Variants in ATP11A observed in about 807,000 individuals in gnomAD.
The protein encoded by ATP11A is ATPase phospholipid transporting 11A, also known as phospholipid-transporting ATPase IH.
ATP11A carries 81 observed loss-of-function variants against 154.4 expected under a neutral mutation model. That is an observed-to-expected ratio of 0.52 (90% CI 0.44 to 0.63). The LOEUF (loss-of-function observed/expected upper bound fraction) is 0.63. ATP11A is among the 30% of genes least tolerant of loss of function. The pLI, the probability that ATP11A is intolerant of heterozygous loss-of-function variation, is 0.00. For missense variants in ATP11A, 1,316 were observed against 1,474.3 expected (o/e 0.89, Z 1.76); for synonymous variants, 623 against 585.9 (o/e 1.06, Z -0.91).
chr13:112,735,997 A>G (rs1193819879), intron 1 of ATP11A, among the ~76,000 whole-genome samples: 1 of 151,862 alleles, frequency 6.6e-6, no homozygotes. Flanking sequence ...GAGCCTCCGT[A>G]TGCGCATGCT....
At chr13:112,722,324 A>T (rs1035478652) in intron 1 of ATP11A, among the ~76,000 whole-genome samples, 1 of 151,574 alleles carries the variant, frequency 6.6e-6, no homozygotes, top group Non-Finnish European at 1.5e-5. Flanking sequence ...GGGGGCGGCC[A>T]GGGGAGAGGG....
chr13:112,866,086 G>A (rs1466786734), intron 25 of ATP11A, among the ~76,000 whole-genome samples: 1 of 152,158 alleles, frequency 6.6e-6, no homozygotes, highest in African/African-American at 2.4e-5. Flanking sequence ...ACCCCTGGGG[G>A]TTTGTTTTAT....
At chr13:112,824,701 C>G (rs2078888178) in intron 10 of ATP11A, among the ~76,000 whole-genome samples, 1 of 152,210 alleles carries the variant, frequency 6.6e-6, no homozygotes, top group African/African-American at 2.4e-5. Context: ...AGTTCAGTAT[C>G]CAACAGCTCC....
chr13:112,723,153 T>G (rs1235578684), intron 1 of ATP11A, among the ~76,000 whole-genome samples: 1 of 151,762 alleles, frequency 6.6e-6, no homozygotes, highest in Non-Finnish European at 1.5e-5. Flanking sequence ...TGTTTATAAT[T>G]TGGCATCTTA....
At chr13:112,869,619 G>C (rs551057784) in intron 25 of ATP11A, among the ~76,000 whole-genome samples, 10 of 152,240 alleles carry the variant, frequency 6.6e-5, no homozygotes, top group Non-Finnish European at 1.5e-4. Context: ...GGGGGAGGAA[G>C]AGGAGAGCTG....
chr13:112,780,700 A>G (rs2077476821), intron 1 of ATP11A, among the ~76,000 whole-genome samples: 1 of 152,094 alleles, frequency 6.6e-6, no homozygotes, highest in East Asian at 1.9e-4. Flanking sequence ...TTCAGCTGGA[A>G]CTTGATGCCA....
chr13:112,837,781 G>T (rs2079279202), intron 16 of ATP11A, among the ~76,000 whole-genome samples: 1 of 152,070 alleles, frequency 6.6e-6, no homozygotes, highest in African/African-American at 2.4e-5. Context: ...GTGCCGTCGG[G>T]CACCCTTCGG....
intron 1 of ATP11A, among the ~76,000 whole-genome samples, chr13:112,776,036 C>T (rs1045530425): frequency 6.6e-6 from 1 of 152,212 alleles, no homozygotes; most frequent in African/African-American, 2.4e-5. Flanking sequence ...CCTCCCTGGC[C>T]CGGCTGGAGT....
At position 112,697,727 on chromosome 13, in the gene ATP11A, GT is replaced by G. The variant is rs531749066; in HGVS notation, c.39+7298del. Among the ~76,000 whole-genome samples, 7,623 of 124,882 alleles carry G rather than the reference GT, an allele frequency of 0.061. 243 individuals carry two copies. The highest frequency in any genetic ancestry group is 0.094 in the African/African-American group (2,863 of 30,368). 81.9% of individuals were successfully genotyped at this position (124,882 alleles called of 152,430 possible). A position where few individuals can be genotyped will look rare whatever the true frequency, so the allele number is the denominator to read the frequency against. ...GGATTTGTGCCACGACGCCCGGCCAGTTTTTTTTTTTTTTTTTTTTTTTTTT... is the reference window on the plus strand; with the variant it reads ...GGATTTGTGCCACGACGCCCGGCCAGTTTTTTTTTTTTTTTTTTTTTTTTT... On this transcript the variant is annotated intron_variant, in intron 1 of 29. Transcript: ENST00000375645. The surrounding 1 kb of genome is among the most constrained non-coding windows in gnomAD (Gnocchi z 4.0).
intron 16 of ATP11A, among the ~76,000 whole-genome samples, chr13:112,840,940 C>T (rs928573778): frequency 2.6e-5 from 4 of 152,196 alleles, no homozygotes; most frequent in African/African-American, 4.8e-5. Flanking sequence ...GTAGACTTCC[C>T]GAGGGCCCTC....
At chr13:112,729,360 C>G (rs1056317179) in intron 1 of ATP11A, among the ~76,000 whole-genome samples, 1 of 152,266 alleles carries the variant, frequency 6.6e-6, no homozygotes, top group African/African-American at 2.4e-5. Context: ...TGAGGCAGCA[C>G]AGTCCCCTCG....
At position 112,744,585 on chromosome 13, in the gene ATP11A, C is replaced by T. The variant is rs935916118; in HGVS notation, c.40-40550C>T. On this transcript the variant is annotated intron_variant, in intron 1 of 29. Coordinates refer to ENST00000375645, the MANE Select transcript of ATP11A (RefSeq NM_015205.3). ...CCCTCCCCGGCCCTCTGCTCACCAC[C>T]TGCCCTCACGGGTGAGCCGCTGCAC... Among the ~76,000 whole-genome samples the T allele has an allele frequency of 1.4e-4, 22 of 152,370 alleles. 1 individual carries two copies. The highest frequency in any genetic ancestry group is 5.3e-4 in the African/African-American group (22 of 41,588).
At chr13:112,851,357 A>G (rs1230032764) in intron 18 of ATP11A, 139 bp downstream of exon 18, 5 of 764,856 alleles carry the variant, frequency 6.5e-6, no homozygotes, top group South Asian at 3.7e-5. Context: ...GGGAGAGGCT[A>G]GGTGTCTTGC....
At chr13:112,775,261 T>C (rs1376502112) in intron 1 of ATP11A, among the ~76,000 whole-genome samples, 1 of 152,248 alleles carries the variant, frequency 6.6e-6, no homozygotes, top group Admixed American at 6.5e-5. Flanking sequence ...GAAGCTCTGC[T>C]GTGAAGATGC....
intron 4 of ATP11A, among the ~76,000 whole-genome samples, chr13:112,810,160 T>C (rs1335935551): frequency 1.3e-5 from 2 of 151,684 alleles, no homozygotes; most frequent in East Asian, 1.9e-4. Context: ...GAATGGCCAG[T>C]GGGGGCTTTT....
chr13:112,704,393 C>T (rs1248162010), intron 1 of ATP11A, among the ~76,000 whole-genome samples: 4 of 152,222 alleles, frequency 2.6e-5, no homozygotes, highest in Admixed American at 2.6e-4. Context: ...AAATGCAAGG[C>T]CAAGTGGCTC....
intron 1 of ATP11A, among the ~76,000 whole-genome samples, chr13:112,742,464 T>G (rs146363139): frequency 6.6e-6 from 1 of 152,290 alleles, no homozygotes; most frequent in Non-Finnish European, 1.5e-5. Flanking sequence ...GGGGGACTTA[T>G]GACAGGTGCT....
Position 112,825,372 on chromosome 13 carries a change from G to A in ATP11A, c.873-58G>A. ...GGTGTCATCTTGATATCTGTGAGAA[G>A]GAAGTGCAGAGCTCATTTCCTCAGG... On this transcript the variant is annotated intron_variant, in intron 10 of 29. Coordinates refer to ENST00000375645, the MANE Select transcript of ATP11A (RefSeq NM_015205.3). 3 of 1,523,112 alleles carry A rather than the reference G, an allele frequency of 2.0e-6. No individual in the cohort carries two copies. In the South Asian group the frequency reaches 3.9e-5, roughly 20 times the overall value. 94.3% of individuals were successfully genotyped at this position (1,523,112 alleles called of 1,614,324 possible). A position where few individuals can be genotyped will look rare whatever the true frequency, so the allele number is the denominator to read the frequency against.
intron 1 of ATP11A, among the ~76,000 whole-genome samples, chr13:112,775,616 G>A (rs1394601588): frequency 6.6e-6 from 1 of 152,198 alleles, no homozygotes; most frequent in Non-Finnish European, 1.5e-5. Context: ...GAAAAAAATT[G>A]GTTGGTACAA....
Sources: allele counts gnomAD v4.1 joint callset (sites outside exome capture counted in the v4.1 genomes callset), GRCh38; gene constraint gnomAD v4.1.1; non-coding constraint Gnocchi (gnomAD v3.1); transcripts MANE v1.5; gene names NCBI Gene and HGNC (gene_info 2026-07-23, HGNC 2026-07-21).